EYS: variants seen among roughly 807,000 people sequenced by gnomAD.
EYS encodes protein eyes shut homolog.
A neutral mutation model predicts 282.1 loss-of-function variants in EYS; 250 were observed. The ratio of observed to expected loss-of-function variants is 0.89; its 90% CI spans 0.80 to 0.98. The LOEUF is 0.98. Ranked by LOEUF, EYS falls within the 50% of genes least tolerant of loss-of-function variation. The pLI, the probability that EYS is intolerant of heterozygous loss-of-function variation, is 0.00. For missense variants in EYS, 4,016 were observed against 3,709.0 expected (o/e 1.08, Z -2.15); for synonymous variants, 1,355 against 1,282.9 (o/e 1.06, Z -1.20).
chr6:65,275,751 T>C (rs1320466983), intron 12 of EYS, among the ~76,000 whole-genome samples: 1 of 152,126 alleles, frequency 6.6e-6, no homozygotes, highest in Admixed American at 6.6e-5. Flanking sequence ...TGGCTCCAAA[T>C]ATGGCACCAT....
Position 63,970,103 on chromosome 6 carries a change from A to G in EYS, c.7055+14280T>C, listed in dbSNP as rs544052559. Reference sequence around the variant, plus strand: ...GTAGCTGAGAACTTTCCCTGGAGACATGGCGAGGTGGTGACAGTGGGACTA... The same window carrying G: ...GTAGCTGAGAACTTTCCCTGGAGACGTGGCGAGGTGGTGACAGTGGGACTA... On this transcript the variant is annotated intron_variant, in intron 35 of 42. Coordinates refer to ENST00000503581, the MANE Select transcript of EYS (RefSeq NM_001142800.2). Among the ~76,000 whole-genome samples the G allele has an allele frequency of 4.6e-5, 7 of 152,308 alleles. No individual in the cohort carries two copies. The East Asian group carries it at 1.2e-3, about 25-fold the overall frequency.
chr6:65,086,630 G>A (rs1300643724), intron 12 of EYS, among the ~76,000 whole-genome samples: 1 of 152,122 alleles, frequency 6.6e-6, no homozygotes, highest in Non-Finnish European at 1.5e-5. Flanking sequence ...AGAGCAATTA[G>A]ATTATGCGAT....
chr6:64,201,046 G>A (rs1333558171), intron 31 of EYS, among the ~76,000 whole-genome samples: 1 of 152,096 alleles, frequency 6.6e-6, no homozygotes, highest in African/African-American at 2.4e-5. Flanking sequence ...AAAAGCCAAT[G>A]TGATTCAGCT....
chr6:64,611,116 A>G (rs1767101732), intron 24 of EYS, among the ~76,000 whole-genome samples: 1 of 152,158 alleles, frequency 6.6e-6, no homozygotes, highest in Non-Finnish European at 1.5e-5. Flanking sequence ...CTCTGTTACC[A>G]GAGCCTAATT....
At chr6:64,786,479 C>G (rs763904101) in intron 22 of EYS, among the ~76,000 whole-genome samples, 1 of 151,796 alleles carries the variant, frequency 6.6e-6, no homozygotes, top group Admixed American at 6.6e-5. Context: ...TATGCAAATG[C>G]AGGGCACCAT....
chr6:64,287,500 C>T (rs940740552), intron 30 of EYS, among the ~76,000 whole-genome samples: 1 of 152,078 alleles, frequency 6.6e-6, no homozygotes, highest in African/African-American at 2.4e-5. Context: ...CAATTCATAT[C>T]TCAGTAGACT....
At position 65,484,944 on chromosome 6, in the gene EYS, T is replaced by A. The variant is rs560551333; in HGVS notation, c.862+5650A>T. On this transcript the variant is annotated intron_variant, in intron 5 of 42. Coordinates refer to ENST00000503581, the MANE Select transcript of EYS (RefSeq NM_001142800.2). The stretch of plus-strand genomic sequence containing the variant: ...CTGCTTTCATGCTGCAATAGCAGAG[T>A]TGAATCATTGTGATAGAGACCATAT... 8.9e-4 allele frequency among the ~76,000 whole-genome samples: 135 copies of A among 152,236 alleles called. 2 individuals carry two copies. Among genetic ancestry groups the A allele is most frequent in the African/African-American group, 2.6e-3 (109 of 41,536 alleles).
intron 29 of EYS, among the ~76,000 whole-genome samples, chr6:64,318,809 G>A (rs973909797): frequency 6.6e-6 from 1 of 151,146 alleles, no homozygotes; most frequent in Non-Finnish European, 1.5e-5. Flanking sequence ...ATATTTGTGG[G>A]GTATATGAGA....
chr6:65,287,236 A>G (rs990240589), intron 12 of EYS, among the ~76,000 whole-genome samples: 40 of 151,516 alleles, frequency 2.6e-4, no homozygotes, highest in African/African-American at 9.2e-4. Context: ...CACACCTATA[A>G]TTTTACTACC....
chr6:64,896,649 C>G (rs1007667935), intron 18 of EYS, among the ~76,000 whole-genome samples: 2 of 151,682 alleles, frequency 1.3e-5, no homozygotes, highest in African/African-American at 4.8e-5. Context: ...GCCAAGTGGT[C>G]TTGCTCAGCA....
rs373054595 is a variant in EYS at position 65,145,801 on chromosome 6, C to T, written c.2024-88074G>A. On this transcript the variant is annotated intron_variant, in intron 12 of 42. Coordinates refer to ENST00000503581, the MANE Select transcript of EYS (RefSeq NM_001142800.2). Reference sequence around the variant, plus strand: ...AGTTTTTCTCTGCAGGAAAAAAGACCTCTGATTTTATAATGCATTTCAGAA... The same window carrying T: ...AGTTTTTCTCTGCAGGAAAAAAGACTTCTGATTTTATAATGCATTTCAGAA... Among the ~76,000 whole-genome samples, 50 of 151,936 alleles carry T rather than the reference C, an allele frequency of 3.3e-4. 1 individual carries two copies. Among genetic ancestry groups the T allele is most frequent in the African/African-American group, 1.1e-3 (47 of 41,486 alleles).
intron 30 of EYS, among the ~76,000 whole-genome samples, chr6:64,233,056 A>C (rs920494325): frequency 6.6e-6 from 1 of 152,196 alleles, no homozygotes; most frequent in Admixed American, 6.5e-5. Context: ...CATGAACTGC[A>C]GTCTGTCACC....
chr6:65,151,749 A>C (rs1764616372), intron 12 of EYS, among the ~76,000 whole-genome samples: 1 of 152,016 alleles, frequency 6.6e-6, no homozygotes, highest in African/African-American at 2.4e-5. Flanking sequence ...ATGTATTTTC[A>C]GTCAACATAT....
intron 5 of EYS, among the ~76,000 whole-genome samples, chr6:65,428,248 A>G (rs893081058): frequency 1.1e-4 from 17 of 152,094 alleles, no homozygotes; most frequent in Admixed American, 4.6e-4. Context: ...TCTAAAATAC[A>G]AATATATACT....
In EYS at chr6:64,175,254, A is replaced by G. The variant is rs1764591407; in HGVS notation, c.6424+55338T>C. ...TTATTAATTTACATTGATTTATTCA[A>G]TAAATAAATAGTTATTTAATATCTC... On this transcript the variant is annotated intron_variant, in intron 31 of 42. Coordinates refer to ENST00000503581, the MANE Select transcript of EYS (RefSeq NM_001142800.2). Among the ~76,000 whole-genome samples, 3 of 152,146 alleles carry G rather than the reference A, an allele frequency of 2.0e-5. No individual in the cohort carries two copies. In the South Asian group the frequency reaches 6.2e-4, roughly 31 times the overall value.
rs567280660 is a variant in EYS at position 65,282,182 on chromosome 6, T to C, written c.2023+13681A>G. Among the ~76,000 whole-genome samples, 4 of 152,096 alleles carry C rather than the reference T, an allele frequency of 2.6e-5. No individual in the cohort carries two copies. In the South Asian group the frequency reaches 8.3e-4, roughly 32 times the overall value. ...GCACAGCATGGTGAATATAGGTTAA[T>C]AATAGAGTATTAAATACATTTCAAA... On this transcript the variant is annotated intron_variant, in intron 12 of 42. Coordinates refer to ENST00000503581, the MANE Select transcript of EYS (RefSeq NM_001142800.2).
rs1193723990 is a variant in EYS, at chr6:65,494,947, C to A, written c.464G>T (p.Gly155Val). Residue 155 changes from glycine to valine, a missense_variant, in exon 4 of 43, where the codon GGT (glycine) becomes GTT (valine). Coordinates refer to ENST00000503581, the MANE Select transcript of EYS (RefSeq NM_001142800.2). The part of the protein sequence containing the change: ...THYFITVMAS[G>V]PSPCPLGLRL... ...AAGTCCCAGTGGACAAGGTGATGGA[C>A]CACTTGCCATAACTGTGATAAAATA... 1 of 1,614,104 alleles carries A rather than the reference C, an allele frequency of 6.2e-7. No homozygotes were observed. Among genetic ancestry groups the A allele is most frequent in the Admixed American group, 1.7e-5 (1 of 60,016 alleles).
intron 31 of EYS, among the ~76,000 whole-genome samples, chr6:64,191,461 G>T (rs777063895): frequency 6.8e-6 from 1 of 147,374 alleles, no homozygotes; most frequent in Non-Finnish European, 1.5e-5. Context: ...TAGGTATATC[G>T]TCCAGTGCTA....
chr6:65,157,043 T>C (rs1387224029), intron 12 of EYS, among the ~76,000 whole-genome samples: 2 of 151,140 alleles, frequency 1.3e-5, no homozygotes, highest in Non-Finnish European at 3.0e-5. Flanking sequence ...TTGACTCAGT[T>C]CTCAATTTTC....
Sources: gnomAD v4.1 joint callset for allele counts (sites outside exome capture counted in the v4.1 genomes callset) on GRCh38, gnomAD v4.1.1 for gene constraint, MANE v1.5 for transcripts, NCBI Gene and HGNC (gene_info 2026-07-23, HGNC 2026-07-21) for gene names.